THSD7B: variants seen among roughly 807,000 people sequenced by gnomAD.
THSD7B encodes the protein thrombospondin type 1 domain containing 7B.
Under a neutral mutation model 213.6 loss-of-function variants are expected in THSD7B, and 138 were observed. The observed-to-expected ratio is 0.65, with a 90% CI of 0.56 to 0.74. The LOEUF is 0.74. THSD7B is among the 30% of genes least tolerant of loss of function. The pLI is 0.00. For missense variants in THSD7B, 1,931 were observed against 1,991.5 expected (o/e 0.97, Z 0.58); for synonymous variants, 742 against 687.0 (o/e 1.08, Z -1.25).
intron 2 of THSD7B, among the ~76,000 whole-genome samples, chr2:137,047,382 C>T (rs1686990381): frequency 6.6e-6 from 1 of 152,100 alleles, no homozygotes; most frequent in African/African-American, 2.4e-5. Flanking sequence ...GTGATTATGC[C>T]ATGTTGTTAC....
At chr2:136,794,837 T>C (rs569593695) in intron 1 of THSD7B, among the ~76,000 whole-genome samples, 2 of 151,950 alleles carry the variant, frequency 1.3e-5, no homozygotes, top group South Asian at 2.1e-4. Flanking sequence ...TCTATTTTTT[T>C]CCCTCAGATT....
At chr2:137,043,076 G>A (rs1158881585) in intron 2 of THSD7B, among the ~76,000 whole-genome samples, 3 of 152,310 alleles carry the variant, frequency 2.0e-5, no homozygotes, top group East Asian at 3.9e-4. Context: ...GCTGGTTGGG[G>A]ATGTATTTAT....
chr2:137,080,518 T>A (rs1687727155), intron 3 of THSD7B, among the ~76,000 whole-genome samples: 1 of 151,948 alleles, frequency 6.6e-6, no homozygotes, highest in South Asian at 2.1e-4. Flanking sequence ...CTGACCAATA[T>A]GTTTTGGTAG....
At chr2:137,238,515 G>A (rs1400624453) in intron 9 of THSD7B, among the ~76,000 whole-genome samples, 1 of 131,932 alleles carries the variant, frequency 7.6e-6, no homozygotes, top group Non-Finnish European at 1.6e-5. Context: ...ACTATATCCT[G>A]ATAATGACAC....
intron 2 of THSD7B, among the ~76,000 whole-genome samples, chr2:137,016,715 A>C (rs1037870828): frequency 2.0e-5 from 3 of 152,210 alleles, no homozygotes; most frequent in African/African-American, 7.2e-5. Flanking sequence ...TAGACATGTT[A>C]ATGCACCTTA....
chr2:137,584,636 G>A (rs1480086286), intron 17 of THSD7B, among the ~76,000 whole-genome samples: 1 of 152,142 alleles, frequency 6.6e-6, no homozygotes, highest in Non-Finnish European at 1.5e-5. Flanking sequence ...GCTGGATTAT[G>A]TTTATTGATT....
At chr2:136,962,409 T>C (rs1685236037) in intron 2 of THSD7B, among the ~76,000 whole-genome samples, 1 of 141,738 alleles carries the variant, frequency 7.1e-6, no homozygotes, top group African/African-American at 2.5e-5. Flanking sequence ...TTATCTTTTT[T>C]TTTTTTTTTT....
chr2:136,829,404 C>G (rs1054018816), intron 1 of THSD7B, among the ~76,000 whole-genome samples: 5 of 152,056 alleles, frequency 3.3e-5, no homozygotes, highest in African/African-American at 7.2e-5. Flanking sequence ...GATTTGCATC[C>G]TCTTCTCTGT....
At chr2:136,857,613 G>GCA (rs1683196141) in intron 1 of THSD7B, among the ~76,000 whole-genome samples, 1 of 136,908 alleles carries the variant, frequency 7.3e-6, no homozygotes. Flanking sequence ...CACACCACAT[G>GCA]CACACACACA....
chr2:137,104,451 A>G (rs1467998017), intron 4 of THSD7B, among the ~76,000 whole-genome samples: 1 of 151,820 alleles, frequency 6.6e-6, no homozygotes, highest in East Asian at 1.9e-4. Context: ...AACCGACACC[A>G]TAAGTGTCGA....
chr2:137,452,350 A>G (rs185495886), intron 15 of THSD7B, among the ~76,000 whole-genome samples: 4 of 152,228 alleles, frequency 2.6e-5, no homozygotes, highest in East Asian at 1.9e-4. Context: ...AAATATGATT[A>G]ATGAAAACTG....
rs1364632591 is a variant in THSD7B at position 137,142,202 on chromosome 2, G to A, written c.1370-18011G>A. On this transcript the variant is annotated intron_variant, in intron 5 of 27. Transcript: ENST00000409968. The stretch of plus-strand genomic sequence containing the variant: ...ACTCACATTTCTGGAGACTGCTCAA[G>A]GTAAAGGAATCTAGTGAGAGCCTTC... Among the ~76,000 whole-genome samples the A allele has an allele frequency of 1.3e-5, 2 of 152,106 alleles. 1 individual carries two copies. Among genetic ancestry groups the A allele is most frequent in the Non-Finnish European group, 2.9e-5 (2 of 68,014 alleles).
rs768486566 is a variant in THSD7B at position 137,468,642 on chromosome 2, TGGGGGC to T, written c.3138+17622_3138+17627del. On this transcript the variant is annotated intron_variant, in intron 15 of 27. Coordinates refer to ENST00000409968, the MANE Select transcript of THSD7B (RefSeq NM_001316349.2). Reference sequence around the variant, plus strand: ...TGTGTGGAGGGGTGGGGGGTGGGGGTGGGGGCGGTGGGTAGAACTTTTGACATAGTG... The same window carrying T: ...TGTGTGGAGGGGTGGGGGGTGGGGGTGGTGGGTAGAACTTTTGACATAGTG... Among the ~76,000 whole-genome samples the T allele has an allele frequency of 1.1e-3, 39 of 36,756 alleles. 1 individual carries two copies. The highest frequency in any genetic ancestry group is 2.9e-4 in the Non-Finnish European group (6 of 20,776). The allele number at this position is 36,756 out of a possible 152,430, so 24.1% of individuals were successfully genotyped here. A position where few individuals can be genotyped will look rare whatever the true frequency, so the allele number is the denominator to read the frequency against.
chr2:137,404,694 C>T (rs1271273185), intron 12 of THSD7B, among the ~76,000 whole-genome samples: 1 of 151,092 alleles, frequency 6.6e-6, no homozygotes, highest in African/African-American at 2.4e-5. Context: ...AATGAATTAA[C>T]AGCATTTGCA....
At chr2:137,149,515 C>T (rs977268969) in intron 5 of THSD7B, among the ~76,000 whole-genome samples, 2 of 152,192 alleles carry the variant, frequency 1.3e-5, no homozygotes, top group African/African-American at 4.8e-5. Context: ...CCTGGAAAAG[C>T]TGCAGACACT....
chr2:137,376,126 A>C (rs1485760301), intron 12 of THSD7B, among the ~76,000 whole-genome samples: 1 of 152,164 alleles, frequency 6.6e-6, no homozygotes, highest in East Asian at 1.9e-4. Flanking sequence ...TTCATGGGAG[A>C]ATAGCAAATT....
intron 1 of THSD7B, among the ~76,000 whole-genome samples, chr2:136,792,835 T>C (rs1681993475): frequency 6.6e-6 from 1 of 152,048 alleles, no homozygotes; most frequent in African/African-American, 2.4e-5. Context: ...AATGGAATCA[T>C]ACAAATACAA....
intron 5 of THSD7B, among the ~76,000 whole-genome samples, chr2:137,142,681 A>G (rs1488894771): frequency 2.0e-5 from 3 of 152,072 alleles, no homozygotes; most frequent in Admixed American, 6.6e-5. Context: ...TTATCACACT[A>G]GGTAGGAAAT....
At chr2:136,876,590 A>G (rs1683529276) in intron 1 of THSD7B, among the ~76,000 whole-genome samples, 1 of 152,230 alleles carries the variant, frequency 6.6e-6, no homozygotes, top group Admixed American at 6.5e-5. Flanking sequence ...TTTAAATATC[A>G]TGATATAATT....
Sources: gnomAD v4.1 joint callset for allele counts (sites outside exome capture counted in the v4.1 genomes callset) on GRCh38, gnomAD v4.1.1 for gene constraint, MANE v1.5 for transcripts, NCBI Gene and HGNC (gene_info 2026-07-23, HGNC 2026-07-21) for gene names.